Variants in ARL6IP1 observed in about 807,000 individuals in gnomAD.
The protein encoded by ARL6IP1 is ARL6 interacting reticulophagy regulator 1, also known as ADP-ribosylation factor-like protein 6-interacting protein 1.
ARL6IP1 carries 16 observed loss-of-function variants against 30.1 expected under a neutral mutation model. The ratio of observed to expected loss-of-function variants is 0.53; its 90% CI spans 0.36 to 0.81. The LOEUF is 0.81. Among genes scored for constraint, ARL6IP1 ranks in the 30% least tolerant of loss-of-function variants. The pLI is 0.01. For missense variants in ARL6IP1, 173 were observed against 242.7 expected, an observed-to-expected ratio of 0.71 and a Z score of 1.91; for synonymous variants, 72 against 84.8, an observed-to-expected ratio of 0.85 and a Z score of 0.83.
chr16:18,793,159 ACTTCCG>A lies in ARL6IP1; in HGVS notation c.*87_*92del, dbSNP rs1254894432. ...GCAGAGTGAGGGAGAACAAAGAGCT[ACTTCCG>A]TAACATTTTAGTATCCAGATAGTAC... On this transcript the variant is annotated 3_prime_UTR_variant, in exon 6 of 6. Transcript: ENST00000304414. 2 of 796,624 alleles carry A rather than the reference ACTTCCG, an allele frequency of 2.5e-6. No homozygotes were observed. Among genetic ancestry groups the A allele is most frequent in the Non-Finnish European group, 4.1e-6 (2 of 491,658 alleles). The allele number at this position is 796,624 out of a possible 1,614,324, so 49.3% of individuals were successfully genotyped here. A position where few individuals can be genotyped will look rare whatever the true frequency, so the allele number is the denominator to read the frequency against.
At position 18,801,208 on chromosome 16, in the gene ARL6IP1, T is replaced by G. The variant is rs2650625; in HGVS notation, c.36+223A>C. The G allele has an allele frequency of 0.072, 100,831 of 1,410,060 alleles. 4,462 individuals carry two copies. Among genetic ancestry groups the G allele is most frequent in the African/African-American group, 0.2 (13,677 of 68,624 alleles). 87.3% of individuals were successfully genotyped at this position (1,410,060 alleles called of 1,614,324 possible). A position where few individuals can be genotyped will look rare whatever the true frequency, so the allele number is the denominator to read the frequency against. Reference sequence around the variant, plus strand: ...CCTCCTCGACTCCTACTCGCGGTGATGAATCACGCGCCCTCCTCGCCCCGT... The same window carrying G: ...CCTCCTCGACTCCTACTCGCGGTGAGGAATCACGCGCCCTCCTCGCCCCGT... On this transcript the variant is annotated intron_variant, in intron 1 of 5. Transcript: ENST00000304414.
In ARL6IP1 at chr16:18,791,967, T is replaced by C. The variant is rs1375852804; in HGVS notation, c.*1285A>G. On this transcript the variant is annotated 3_prime_UTR_variant, in exon 6 of 6. Coordinates refer to ENST00000304414, the MANE Select transcript of ARL6IP1 (RefSeq NM_015161.3). ...GATATACCACAAGGTACAACATCAG[T>C]GCAATAAATTCACAAAACTATATTA... 4 of 152,626 alleles carry C rather than the reference T, an allele frequency of 2.6e-5. No individual in the cohort carries two copies. Among genetic ancestry groups the C allele is most frequent in the Admixed American group, 6.5e-5 (1 of 15,278 alleles). The allele number at this position is 152,626 out of a possible 1,614,324, so 9.5% of individuals were successfully genotyped here.
chr16:18,801,255 G>C (rs761759394), intron 1 of ARL6IP1, 176 bp downstream of exon 1: 1 of 1,435,592 alleles, frequency 7.0e-7, no homozygotes. Context: ...CCCAGGAAAG[G>C]TAAGGGTTCG....
chr16:18,795,096 A>C (rs1332922854), intron 4 of ARL6IP1: 6 of 213,888 alleles, frequency 2.8e-5, no homozygotes, highest in Non-Finnish European at 3.8e-5. Flanking sequence ...CTCACTGCGC[A>C]AACACAGCTC....
intron 1 of ARL6IP1, chr16:18,801,141 C>A: frequency 7.5e-7 from 1 of 1,340,628 alleles, no homozygotes; most frequent in East Asian, 3.2e-5. Context: ...CTGCCCCCAC[C>A]CGCACCCCAG....
intron 4 of ARL6IP1, chr16:18,795,157 C>T (rs761449059): frequency 7.6e-5 from 18 of 237,948 alleles, no homozygotes; most frequent in Non-Finnish European, 1.3e-4. Flanking sequence ...TTCCATGTAG[C>T]TGGGATTATA....
Position 18,794,579 on chromosome 16 carries a change from G to T in ARL6IP1, c.493+20C>A. On this transcript the variant is annotated intron_variant, in intron 5 of 5. Transcript: ENST00000304414. ...TTTCACTGGCCAGGATGTGCCTGTA[G>T]TTTTTCCTCAAAGACTTACCTATCA... is the stretch of plus-strand genomic sequence containing the variant. 1 of 1,601,680 alleles carries T rather than the reference G, an allele frequency of 6.2e-7. No homozygotes were observed. The highest frequency in any genetic ancestry group is 8.5e-7 in the Non-Finnish European group (1 of 1,169,804).
At chr16:18,798,661 A>G (rs766094953) in intron 2 of ARL6IP1, 40 bp downstream of exon 2, 18 of 1,588,984 alleles carry the variant, frequency 1.1e-5, no homozygotes, top group Middle Eastern at 1.7e-4. Context: ...GTCTTTATTA[A>G]TAAGAAGCAC....
intron 1 of ARL6IP1, among the ~76,000 whole-genome samples, chr16:18,799,812 A>T (rs2030353740): frequency 1.3e-5 from 2 of 152,218 alleles, no homozygotes; most frequent in South Asian, 4.1e-4. Flanking sequence ...TCTGACTCTG[A>T]ACAGCCGAAA....
At chr16:18,795,254 G>T (rs1469980477) in intron 4 of ARL6IP1, 1 of 418,300 alleles carries the variant, frequency 2.4e-6, no homozygotes, top group South Asian at 3.6e-5. Context: ...TGAAACAGAA[G>T]AATTTTGTTT....
chr16:18,797,861 A>G, intron 3 of ARL6IP1, 64 bp downstream of exon 3: 1 of 1,572,300 alleles, frequency 6.4e-7, no homozygotes, highest in Non-Finnish European at 8.6e-7. Context: ...ACAGCATACT[A>G]ATCACAGCCA....
rs562941153 is a variant in ARL6IP1, at chr16:18,792,648, A to C, written c.*604T>G. The C allele has an allele frequency of 2.0e-5, 3 of 152,668 alleles. No homozygotes were observed. The highest frequency in any genetic ancestry group is 2.9e-5 in the Non-Finnish European group (2 of 68,042). The allele number at this position is 152,668 out of a possible 1,614,324, so 9.5% of individuals were successfully genotyped here. On this transcript the variant is annotated 3_prime_UTR_variant, in exon 6 of 6. Coordinates refer to ENST00000304414, the MANE Select transcript of ARL6IP1 (RefSeq NM_015161.3). Reference sequence around the variant, plus strand: ...GGACAAAAAGATCAAAGTTTCCTACAAATTGCTAAGCTTTGCACAAGGGAG... The same window carrying C: ...GGACAAAAAGATCAAAGTTTCCTACCAATTGCTAAGCTTTGCACAAGGGAG...
chr16:18,800,242 C>T (rs981846511), intron 1 of ARL6IP1, among the ~76,000 whole-genome samples: 7 of 152,124 alleles, frequency 4.6e-5, no homozygotes, highest in African/African-American at 1.7e-4. Flanking sequence ...TCCTAACAAC[C>T]CTTAAAAAAA....
chr16:18,796,404 T>C (rs979041264), intron 3 of ARL6IP1, among the ~76,000 whole-genome samples: 4 of 152,234 alleles, frequency 2.6e-5, no homozygotes, highest in Non-Finnish European at 1.5e-5. Context: ...AACAATGAGA[T>C]GTTATTTCTT....
intron 3 of ARL6IP1, among the ~76,000 whole-genome samples, chr16:18,797,081 A>G (rs2641888): frequency 0.087 from 13,253 of 152,086 alleles, 696 homozygotes; most frequent in African/African-American, 0.15. Flanking sequence ...TTCATAAGCA[A>G]CCTCATGGTA....
At chr16:18,794,501 G>A in intron 5 of ARL6IP1, 98 bp downstream of exon 5, 2 of 777,632 alleles carry the variant, frequency 2.6e-6, no homozygotes, top group Admixed American at 2.3e-5. Flanking sequence ...TTCCTTTTCG[G>A]TGTCTAAAAC....
intron 1 of ARL6IP1, chr16:18,801,107 G>T: frequency 3.5e-6 from 4 of 1,137,490 alleles, no homozygotes; most frequent in Non-Finnish European, 3.4e-6. Flanking sequence ...CCGCGAAAGC[G>T]CTGGACAGGC....
chr16:18,798,651 GTCTT>G, intron 2 of ARL6IP1, 46 bp downstream of exon 2: 1 of 1,579,080 alleles, frequency 6.3e-7, no homozygotes, highest in Non-Finnish European at 8.6e-7. Context: ...ATATTAAAAA[GTCTT>G]TATTAATAAG....
Position 18,791,948 on chromosome 16 carries a change from C to T in ARL6IP1, c.*1304G>A, listed in dbSNP as rs2030081776. 6.6e-6 allele frequency: 1 copy of T among 152,568 alleles called. No homozygotes were observed. The highest frequency in any genetic ancestry group is 6.5e-5 in the Admixed American group (1 of 15,274). 9.5% of individuals were successfully genotyped at this position (152,568 alleles called of 1,614,324 possible). Reference sequence around the variant, plus strand: ...CACTTATTTAATAGGGACAGATATACCACAAGGTACAACATCAGTGCAATA... The same window carrying T: ...CACTTATTTAATAGGGACAGATATATCACAAGGTACAACATCAGTGCAATA... On this transcript the variant is annotated 3_prime_UTR_variant, in exon 6 of 6. Coordinates refer to ENST00000304414, the MANE Select transcript of ARL6IP1 (RefSeq NM_015161.3).
Sources: allele counts gnomAD v4.1 joint callset (sites outside exome capture counted in the v4.1 genomes callset), GRCh38; gene constraint gnomAD v4.1.1; transcripts MANE v1.5; gene names NCBI Gene and HGNC (gene_info 2026-07-23, HGNC 2026-07-21).